TANC1: variants seen among roughly 807,000 people sequenced by gnomAD.
The protein encoded by TANC1 is tetratricopeptide repeat, ankyrin repeat and coiled-coil containing 1.
In TANC1, 77 loss-of-function variants were observed where a neutral mutation model predicts 149.7. That is an observed-to-expected ratio of 0.51 (90% CI 0.43 to 0.62). The LOEUF (loss-of-function observed/expected upper bound fraction) is 0.62, where lower values mean the gene tolerates loss of function less well. Among genes scored for constraint, TANC1 ranks in the 20% least tolerant of loss-of-function variants. The pLI, the probability that TANC1 is intolerant of heterozygous loss-of-function variation, is 0.00. For synonymous variants in TANC1, 854 were observed against 925.0 expected, an observed-to-expected ratio of 0.92 and a Z score of 1.39; for missense variants, 1,985 against 2,321.8, an observed-to-expected ratio of 0.85 and a Z score of 2.98.
rs1297189498 is a variant in TANC1, at chr2:159,203,741, A to AT, written c.3244+4695dup. Among the ~76,000 whole-genome samples, 6 of 151,694 alleles carry AT rather than the reference A, an allele frequency of 4.0e-5. 1 individual carries two copies. The South Asian group carries it at 1.2e-3, about 32-fold the overall frequency. On this transcript the variant is annotated intron_variant, in intron 19 of 26. Transcript: ENST00000263635. ...GCCACCACACCTGGCTAATTTTTGT[A>AT]TTTTTTTGTAGAGATGCAAAACATG...
rs371174553 is a variant in TANC1, at chr2:159,179,034, G to A, written c.2381G>A (p.Arg794Lys). The change falls in exon 14 of 27, where the codon AGG (arginine) becomes AAG (lysine). Residue 794 changes from arginine (R) to lysine (K), a missense_variant. Transcript: ENST00000263635. ...CAGGGATGGGAAGACTTTCAGCAGAGGATGGACGCCCTCTCCTGCTTCCTC... is the reference window on the plus strand; with the variant it reads ...CAGGGATGGGAAGACTTTCAGCAGAAGATGGACGCCCTCTCCTGCTTCCTC... ...GEQGWEDFQQ[R>K]MDALSCFLIK... 4 of 1,613,954 alleles carry A rather than the reference G, an allele frequency of 2.5e-6. No individual in the cohort carries two copies. The African/African-American group carries it at 5.3e-5, about 22-fold the overall frequency.
At chr2:159,051,254 G>A (rs1390870732) in intron 2 of TANC1, among the ~76,000 whole-genome samples, 1 of 152,218 alleles carries the variant, frequency 6.6e-6, no homozygotes, top group African/African-American at 2.4e-5. Context: ...GTACAAGAGT[G>A]TATAAAGAAT....
intron 3 of TANC1, among the ~76,000 whole-genome samples, chr2:159,094,145 A>G (rs985819236): frequency 2.0e-5 from 3 of 152,194 alleles, no homozygotes; most frequent in African/African-American, 7.2e-5. Flanking sequence ...AGTAATACTC[A>G]TGTGTGAGTA....
intron 2 of TANC1, among the ~76,000 whole-genome samples, chr2:159,036,849 A>G (rs1437814794): frequency 6.6e-6 from 1 of 152,188 alleles, no homozygotes; most frequent in Non-Finnish European, 1.5e-5. Context: ...TAGTATAATG[A>G]TTTATAGTCC....
chr2:159,194,829 T>C (rs571273620), intron 17 of TANC1, among the ~76,000 whole-genome samples: 1 of 152,308 alleles, frequency 6.6e-6, no homozygotes, highest in East Asian at 1.9e-4. Context: ...AATGTTTGCT[T>C]TTTTCCCCTC....
At position 159,170,552 on chromosome 2, in the gene TANC1, C is replaced by T. The variant is rs1448821349; in HGVS notation, c.1098C>T (p.Asp366=). ...KARFAPYKPQ[D]ILLKPLLFEV... ...GATTTGCTCCCTACAAGCCACAAGA[C>T]ATTTTGTTGAAACCCTTGTTGTTTG... Residue 366 remains aspartate, a synonymous_variant, in exon 10 of 27, where the codon GAC becomes GAT. Transcript: ENST00000263635. The T allele has an allele frequency of 2.5e-6, 4 of 1,611,978 alleles. No individual in the cohort carries two copies. The highest frequency in any genetic ancestry group is 2.2e-5 in the East Asian group (1 of 44,832).
At chr2:159,085,826 A>C (rs896047473) in intron 3 of TANC1, among the ~76,000 whole-genome samples, 3 of 152,310 alleles carry the variant, frequency 2.0e-5, no homozygotes, top group Non-Finnish European at 4.4e-5. Flanking sequence ...CCTAGTGCGG[A>C]TTACATTTCC....
chr2:159,218,173 C>CACAT (rs1390380387), intron 20 of TANC1, among the ~76,000 whole-genome samples: 5 of 152,248 alleles, frequency 3.3e-5, no homozygotes, highest in Admixed American at 3.3e-4. Context: ...AAACAGTGAC[C>CACAT]ACATACCTAC....
At chr2:159,163,227 T>G (rs2054227701) in intron 7 of TANC1, 56 bp from the exon 8 acceptor site, 2 of 1,557,446 alleles carry the variant, frequency 1.3e-6, no homozygotes, top group East Asian at 4.5e-5. Context: ...ATGTTTTAAT[T>G]CTTCAGCCCC....
At chr2:159,022,554 G>T (rs1162352175) in intron 2 of TANC1, among the ~76,000 whole-genome samples, 2 of 152,126 alleles carry the variant, frequency 1.3e-5, no homozygotes, top group Admixed American at 6.5e-5. Flanking sequence ...AGACCAGCCT[G>T]GCTAACATGG....
At chr2:159,213,860 T>C (rs1407275709) in intron 19 of TANC1, among the ~76,000 whole-genome samples, 1 of 152,094 alleles carries the variant, frequency 6.6e-6, no homozygotes, top group Non-Finnish European at 1.5e-5. Context: ...GCACAGTGGC[T>C]CGCACCTGTA....
intron 2 of TANC1, among the ~76,000 whole-genome samples, chr2:159,024,401 A>G (rs754067545): frequency 3.9e-5 from 6 of 152,188 alleles, no homozygotes; most frequent in Non-Finnish European, 1.5e-5. Context: ...CACCCAGAGC[A>G]ACTTGCAGTC....
intron 13 of TANC1, among the ~76,000 whole-genome samples, chr2:159,177,017 C>G (rs1480646902): frequency 6.9e-6 from 1 of 145,254 alleles, no homozygotes; most frequent in Non-Finnish European, 1.5e-5. Flanking sequence ...TCCAGTGATT[C>G]TCCTGCCTTG....
At chr2:158,973,125 T>C (rs2033139883) in intron 1 of TANC1, among the ~76,000 whole-genome samples, 1 of 152,132 alleles carries the variant, frequency 6.6e-6, no homozygotes, top group South Asian at 2.1e-4. Context: ...AGGACAAAAG[T>C]GTTGCAGAGG....
rs558923466 is a variant in TANC1 at position 159,117,143 on chromosome 2, C to T, written c.260-19051C>T. 2.6e-5 allele frequency among the ~76,000 whole-genome samples: 4 copies of T among 152,224 alleles called. No individual in the cohort carries two copies. In the East Asian group the frequency reaches 7.7e-4, roughly 29 times the overall value. On this transcript the variant is annotated intron_variant, in intron 4 of 26. Transcript: ENST00000263635. ...GGTGAAAGGACTGTCAGGAACACAA[C>T]CTAAATACAACATAGAAAGTAAAAG... is the stretch of plus-strand genomic sequence containing the variant.
intron 18 of TANC1, among the ~76,000 whole-genome samples, chr2:159,198,233 A>C (rs954114104): frequency 6.6e-6 from 1 of 152,186 alleles, no homozygotes; most frequent in African/African-American, 2.4e-5. Context: ...GCCCCATTTC[A>C]ACATTCATAA....
intron 2 of TANC1, among the ~76,000 whole-genome samples, chr2:159,042,097 C>T (rs2040689881): frequency 6.6e-6 from 1 of 152,148 alleles, no homozygotes. Context: ...GGTTTCCTTC[C>T]AGAGAAACCT....
At chr2:159,188,953 C>G (rs1347407013) in intron 16 of TANC1, among the ~76,000 whole-genome samples, 1 of 152,212 alleles carries the variant, frequency 6.6e-6, no homozygotes, top group Non-Finnish European at 1.5e-5. Context: ...TCCTTCAGCA[C>G]AGTGCCGTCT....
intron 14 of TANC1, among the ~76,000 whole-genome samples, chr2:159,185,115 T>C (rs1020853164): frequency 1.3e-5 from 2 of 152,168 alleles, no homozygotes; most frequent in African/African-American, 2.4e-5. Flanking sequence ...ATGAAAGTAA[T>C]TTACATTGCA....
Sources: allele counts gnomAD v4.1 joint callset (sites outside exome capture counted in the v4.1 genomes callset), GRCh38; gene constraint gnomAD v4.1.1; transcripts MANE v1.5; gene names NCBI Gene and HGNC (gene_info 2026-07-23, HGNC 2026-07-21).